The following SORBS3 variants were observed in gnomAD, a reference collection of about 807,000 sequenced individuals.
SORBS3 encodes the protein vinexin.
A neutral mutation model predicts 98.0 loss-of-function variants in SORBS3; 69 were observed. That is an observed-to-expected ratio of 0.70 (90% CI 0.58 to 0.86). SORBS3 has a LOEUF of 0.86. Among genes scored for constraint, SORBS3 ranks in the 40% least tolerant of loss-of-function variants. SORBS3 has a pLI of 0.00. For synonymous variants in SORBS3, 394 were observed against 355.4 expected (o/e 1.11, Z -1.22); for missense variants, 954 against 908.5 (o/e 1.05, Z -0.64).
At chr8:22,571,674 C>T (rs564072979) in intron 18 of SORBS3, 44 bp from the exon 19 acceptor site, 21 of 1,454,790 alleles carry the variant, frequency 1.4e-5, no homozygotes, top group South Asian at 1.3e-4. Flanking sequence ...ATGTACCCAT[C>T]GTCTTCCTCC....
chr8:22,545,186 C>A (rs1840004432), intron 1 of SORBS3: 1 of 152,468 alleles, frequency 6.6e-6, no homozygotes, highest in Non-Finnish European at 1.5e-5. Context: ...GTCGGGTTAC[C>A]TGGAGGACGG....
At chr8:22,548,364 C>A (rs1239350711), upstream of SORBS3, among the ~76,000 whole-genome samples, 3 of 152,212 alleles carry the variant, frequency 2.0e-5, no homozygotes, top group Non-Finnish European at 4.4e-5. Flanking sequence ...GGGCATGAAA[C>A]ATAGTCCAGA....
rs762369824 is a variant in SORBS3 at position 22,566,386 on chromosome 8, A to T, written c.992A>T (p.Tyr331Phe). The T allele has an allele frequency of 1.1e-5, 18 of 1,614,014 alleles. No homozygotes were observed. The highest frequency in any genetic ancestry group is 9.3e-6 in the Non-Finnish European group (11 of 1,179,978). The change falls in exon 13 of 21, where the codon TAC (tyrosine) becomes TTC (phenylalanine). Residue 331 changes from tyrosine (Y) to phenylalanine (F), a missense_variant. Transcript: ENST00000240123. ...AWSSSYPHAP[Y>F]LGSARSLSPH... ...AGCTCCAGCTACCCACATGCACCTTACCTGGGTTCCGCCCGGTCCCTGAGT... is the reference window on the plus strand; with the variant it reads ...AGCTCCAGCTACCCACATGCACCTTTCCTGGGTTCCGCCCGGTCCCTGAGT...
At position 22,558,175 on chromosome 8, in the gene SORBS3, T is replaced by G; in HGVS notation, c.461T>G (p.Ile154Ser). 2 of 1,614,122 alleles carry G rather than the reference T, an allele frequency of 1.2e-6. No homozygotes were observed. Among genetic ancestry groups the G allele is most frequent in the Non-Finnish European group, 1.7e-6 (2 of 1,180,000 alleles). Residue 154 changes from isoleucine to serine, a missense_variant, in exon 5 of 21, where the codon ATT (isoleucine) becomes AGT (serine). Transcript: ENST00000240123. ...RDWYRRMFQQIHRKMPDLQLD... is the reference protein window; with the variant it reads ...RDWYRRMFQQSHRKMPDLQLD... ...TGGTACCGGAGAATGTTCCAGCAGA[T>G]TCACCGGAAAATGCCAGGTAAGATA...
At position 22,565,359 on chromosome 8, in the gene SORBS3, C is replaced by G. The variant is rs1296324029; in HGVS notation, c.903+5C>G. The stretch of plus-strand genomic sequence containing the variant: ...ACCCGACTGCCGTCCCCCAAGGTAC[C>G]AGCCCCCAGGGTTCACCCGCGGGGC... On this transcript the variant is annotated splice_donor_5th_base_variant and intron_variant, in intron 11 of 20. Coordinates refer to ENST00000240123, the MANE Select transcript of SORBS3 (RefSeq NM_005775.5). 1.3e-6 allele frequency: 2 copies of G among 1,547,716 alleles called. No individual in the cohort carries two copies. Among genetic ancestry groups the G allele is most frequent in the Non-Finnish European group, 1.7e-6 (2 of 1,145,726 alleles).
Position 22,564,207 on chromosome 8 carries a change from G to C in SORBS3, c.676-76G>C, listed in dbSNP as rs566929738. 14 of 1,499,922 alleles carry C rather than the reference G, an allele frequency of 9.3e-6. No individual in the cohort carries two copies. In the African/African-American group the frequency reaches 1.5e-4, roughly 16 times the overall value. 92.9% of individuals were successfully genotyped at this position (1,499,922 alleles called of 1,614,324 possible). On this transcript the variant is annotated intron_variant, in intron 8 of 20. Transcript: ENST00000240123. ...GGGCCCAGGGGAAGGGCAGGGGCCT[G>C]CAAGCCTGCATTTTGAGCCTGGCCA... is the stretch of plus-strand genomic sequence containing the variant.
chr8:22,569,738 C>A (rs1563836801), intron 17 of SORBS3, among the ~76,000 whole-genome samples: 1 of 151,732 alleles, frequency 6.6e-6, no homozygotes, highest in East Asian at 1.9e-4. Flanking sequence ...AGTGTAGTGG[C>A]TTTTTTTTGC....
upstream of SORBS3, among the ~76,000 whole-genome samples, chr8:22,550,362 G>T (rs74536695): frequency 4.6e-3 from 704 of 152,300 alleles, 3 homozygotes; most frequent in African/African-American, 0.016. Flanking sequence ...CCCACAACTG[G>T]CAGACTCAGA....
intron 16 of SORBS3, 55 bp downstream of exon 16, chr8:22,567,230 G>A: frequency 1.6e-6 from 2 of 1,288,308 alleles, no homozygotes; most frequent in Admixed American, 1.8e-5. Context: ...GCAGGGGTTG[G>A]GAGAGACTTA....
Position 22,556,897 on chromosome 8 carries a change from GC to G in SORBS3, c.409del (p.Arg137AspfsTer41), listed in dbSNP as rs760292267. ...CGTGGACGAGAGCGGCATGCCCATT[GC>G]CCCCCGATCCGTGAGTCCAGGGCTG... ...GPVDESGMPI[A>X]PRSSVDRPRD... On this transcript the variant is annotated frameshift_variant, in exon 4 of 21. Coordinates refer to ENST00000240123, the MANE Select transcript of SORBS3 (RefSeq NM_005775.5). LOFTEE classifies it high-confidence loss of function. The G allele has an allele frequency of 1.9e-6, 3 of 1,612,748 alleles. No homozygotes were observed. The highest frequency in any genetic ancestry group is 1.7e-5 in the Admixed American group (1 of 60,028).
intron 3 of SORBS3, 34 bp from the exon 4 acceptor site, chr8:22,556,681 C>T (rs933157000): frequency 6.2e-7 from 1 of 1,603,594 alleles, no homozygotes; most frequent in Non-Finnish European, 8.5e-7. Context: ...AGACCCCTGC[C>T]TTTCACTAAT....
chr8:22,568,883 T>C (rs1840492802), intron 16 of SORBS3, among the ~76,000 whole-genome samples: 1 of 152,230 alleles, frequency 6.6e-6, no homozygotes. Flanking sequence ...ATCTTTTCTC[T>C]TGGAGTTCTT....
rs1454202780 is a variant in SORBS3 at position 22,571,115 on chromosome 8, C to T, written c.1637C>T (p.Pro546Leu). The T allele has an allele frequency of 6.2e-7, 1 of 1,608,566 alleles. No individual in the cohort carries two copies. Among genetic ancestry groups the T allele is most frequent in the Non-Finnish European group, 8.5e-7 (1 of 1,178,786 alleles). ...CGCTCAGCCCGTCACCCCAGCTCCC[C>T]CTCAGCCCTGCGCAGCCCAGCTGAC... ...AARSARHPSS[P>L]SALRSPADPI... is the part of the protein sequence containing the mutation. The change falls in exon 18 of 21, where the codon CCC (proline) becomes CTC (leucine). Residue 546 changes from proline to leucine, a missense_variant. Coordinates refer to ENST00000240123, the MANE Select transcript of SORBS3 (RefSeq NM_005775.5).
intron 5 of SORBS3, among the ~76,000 whole-genome samples, chr8:22,558,914 C>T (rs1332661485): frequency 6.6e-6 from 1 of 152,188 alleles, no homozygotes; most frequent in Admixed American, 6.5e-5. Flanking sequence ...GAGGTAGAAG[C>T]ATGTTCTGGA....
chr8:22,569,344 C>A, intron 17 of SORBS3, 71 bp downstream of exon 17: 3 of 1,276,594 alleles, frequency 2.3e-6, no homozygotes, highest in Non-Finnish European at 3.1e-6. Context: ...GCACTAAAAA[C>A]AGTTTTTTTT....
At chr8:22,549,183 G>A (rs1171476959), upstream of SORBS3, among the ~76,000 whole-genome samples, 1 of 152,374 alleles carries the variant, frequency 6.6e-6, no homozygotes, top group East Asian at 1.9e-4. Flanking sequence ...AAAGGGCAGT[G>A]CCAGAGGTGG....
intron 3 of SORBS3, among the ~76,000 whole-genome samples, chr8:22,555,913 G>C (rs1357978161): frequency 1.3e-5 from 2 of 152,196 alleles, no homozygotes; most frequent in Non-Finnish European, 2.9e-5. Flanking sequence ...AACACCCAGA[G>C]CGTGCTGGAC....
chr8:22,554,720 G>A lies in SORBS3; in HGVS notation c.102+112G>A. On this transcript the variant is annotated intron_variant, in intron 2 of 20. Coordinates refer to ENST00000240123, the MANE Select transcript of SORBS3 (RefSeq NM_005775.5). This position sits in a 1 kb window ranked among gnomAD's most constrained non-coding sequence, Gnocchi z 6.5. ...AGGGATGGAGGGAGGGCTGAAGAGA[G>A]CTCTGGGGGGCCTCGCTGGTTTCCC... 1 of 1,377,546 alleles carries A rather than the reference G, an allele frequency of 7.3e-7. No individual in the cohort carries two copies. Among genetic ancestry groups the A allele is most frequent in the Non-Finnish European group, 9.8e-7 (1 of 1,016,502 alleles). The allele number at this position is 1,377,546 out of a possible 1,614,324, so 85.3% of individuals were successfully genotyped here. A position where few individuals can be genotyped will look rare whatever the true frequency, so the allele number is the denominator to read the frequency against.
At chr8:22,567,039 C>T (rs372702761) in intron 15 of SORBS3, 22 bp from the exon 16 acceptor site, 20 of 1,590,350 alleles carry the variant, frequency 1.3e-5, no homozygotes, top group East Asian at 2.2e-5. Flanking sequence ...GCTTACCCTG[C>T]GGTCCTCGTC....
Sources: gnomAD v4.1 joint callset for allele counts (sites outside exome capture counted in the v4.1 genomes callset) on GRCh38, gnomAD v4.1.1 for gene constraint, Gnocchi (gnomAD v3.1) non-coding constraint, MANE v1.5 for transcripts, NCBI Gene and HGNC (gene_info 2026-07-23, HGNC 2026-07-21) for gene names.